HCRTR2: variants seen among roughly 807,000 people sequenced by gnomAD.
The protein encoded by HCRTR2 is orexin receptor type 2.
Under a neutral mutation model 49.0 loss-of-function variants are expected in HCRTR2, and 22 were observed. The ratio of observed to expected loss-of-function variants is 0.45; its 90% CI spans 0.32 to 0.64. HCRTR2 has a LOEUF of 0.64. Among genes scored for constraint, HCRTR2 ranks in the 30% least tolerant of loss-of-function variants. HCRTR2 has a pLI of 0.04. For missense variants in HCRTR2, 491 were observed against 559.4 expected, an observed-to-expected ratio of 0.88 and a Z score of 1.23; for synonymous variants, 236 against 205.3, an observed-to-expected ratio of 1.15 and a Z score of -1.28.
chr6:55,225,591 C>A (rs1374049370), intron 1 of HCRTR2, among the ~76,000 whole-genome samples: 3 of 152,074 alleles, frequency 2.0e-5, no homozygotes, highest in African/African-American at 7.2e-5. Context: ...AAATTTGCAC[C>A]CCACACAGTC....
At chr6:55,112,926 T>G (rs1490322417) in intron 1 of HCRTR2, among the ~76,000 whole-genome samples, 1 of 151,950 alleles carries the variant, frequency 6.6e-6, no homozygotes, top group East Asian at 1.9e-4. Context: ...GGTGTAAAAG[T>G]AAGCATATAG....
chr6:55,174,826 G>A lies in HCRTR2; in HGVS notation c.223+16G>A. ...AACGTCCTGGGTGAGTCTCCTCCCGGGCAGCCCTCCTAGGGGCTATCACCC... is the reference window on the plus strand; with the variant it reads ...AACGTCCTGGGTGAGTCTCCTCCCGAGCAGCCCTCCTAGGGGCTATCACCC... On this transcript the variant is annotated intron_variant, in intron 1 of 6. Transcript: ENST00000370862. 2 of 1,609,702 alleles carry A rather than the reference G, an allele frequency of 1.2e-6. No individual in the cohort carries two copies. The highest frequency in any genetic ancestry group is 1.7e-6 in the Non-Finnish European group (2 of 1,176,192).
chr6:55,112,931 A>G (rs1764069561), intron 1 of HCRTR2, among the ~76,000 whole-genome samples: 1 of 152,102 alleles, frequency 6.6e-6, no homozygotes, highest in East Asian at 1.9e-4. Flanking sequence ...AAAAGTAAGC[A>G]TATAGACCAA....
intron 2 of HCRTR2, among the ~76,000 whole-genome samples, chr6:55,254,274 G>A (rs1581859241): frequency 6.6e-6 from 1 of 152,094 alleles, no homozygotes; most frequent in African/African-American, 2.4e-5. Context: ...TCTTTTTAAA[G>A]GGAGAGGGGA....
intron 1 of HCRTR2, among the ~76,000 whole-genome samples, chr6:55,118,720 A>AT (rs1370028071): frequency 6.6e-6 from 1 of 151,130 alleles, no homozygotes; most frequent in Admixed American, 6.6e-5. Context: ...GTGCCTGTTC[A>AT]TTTTTTGCCC....
At chr6:55,146,654 C>T (rs1219583617) in intron 1 of HCRTR2, among the ~76,000 whole-genome samples, 1 of 149,722 alleles carries the variant, frequency 6.7e-6, no homozygotes, top group Admixed American at 6.7e-5. Flanking sequence ...ATGTATTTGT[C>T]CAAACTAATT....
chr6:55,254,971 A>G (rs1301769460), intron 2 of HCRTR2, among the ~76,000 whole-genome samples, 165 bp from the exon 3 acceptor site: 1 of 152,098 alleles, frequency 6.6e-6, no homozygotes, highest in Non-Finnish European at 1.5e-5. Context: ...CATTTTTGTG[A>G]TATAATTTCT....
intron 1 of HCRTR2, among the ~76,000 whole-genome samples, chr6:55,239,943 AATTTTTGT>A (rs80265117): frequency 0.17 from 26,096 of 151,434 alleles, 2,735 homozygotes; most frequent in Non-Finnish European, 0.24. Flanking sequence ...ATGCCCAGCT[AATTTTTGT>A]ATTTTTGTAG....
intron 1 of HCRTR2, among the ~76,000 whole-genome samples, chr6:55,129,108 T>C (rs1266853699): frequency 6.6e-6 from 1 of 152,170 alleles, no homozygotes; most frequent in Non-Finnish European, 1.5e-5. Flanking sequence ...AAAACAGTCT[T>C]TGACATGATG....
intron 1 of HCRTR2, among the ~76,000 whole-genome samples, chr6:55,217,350 A>C (rs1765806454): frequency 6.6e-6 from 1 of 152,180 alleles, no homozygotes; most frequent in Non-Finnish European, 1.5e-5. Context: ...AAACTTTTCA[A>C]ATCATTTTGC....
intron 1 of HCRTR2, among the ~76,000 whole-genome samples, chr6:55,143,252 T>TA (rs1485535036): frequency 2.6e-5 from 4 of 152,052 alleles, no homozygotes; most frequent in Non-Finnish European, 5.9e-5. Flanking sequence ...TCTAGGTATC[T>TA]AGCTTTTTAG....
At chr6:55,164,144 G>A (rs1764844205) in intron 1 of HCRTR2, among the ~76,000 whole-genome samples, 1 of 152,160 alleles carries the variant, frequency 6.6e-6, no homozygotes, top group African/African-American at 2.4e-5. Context: ...GAGAGGATGT[G>A]GAGAAATAGG....
At chr6:55,162,717 A>G (rs1390457558) in intron 1 of HCRTR2, among the ~76,000 whole-genome samples, 1 of 152,236 alleles carries the variant, frequency 6.6e-6, no homozygotes, top group Admixed American at 6.5e-5. Context: ...GAGCCAAATC[A>G]TGAGTGAACT....
At chr6:55,182,519 T>C (rs1765150338) in intron 1 of HCRTR2, among the ~76,000 whole-genome samples, 1 of 152,130 alleles carries the variant, frequency 6.6e-6, no homozygotes, top group South Asian at 2.1e-4. Flanking sequence ...AACAACCTCA[T>C]GTGTGAGCTT....
chr6:55,248,230 C>T (rs928981867), intron 1 of HCRTR2, among the ~76,000 whole-genome samples: 2 of 152,150 alleles, frequency 1.3e-5, no homozygotes, highest in Middle Eastern at 3.4e-3. Context: ...AGATATGGGT[C>T]AAGGTCATGG....
chr6:55,117,399 GAC>G (rs1764132983), intron 1 of HCRTR2, among the ~76,000 whole-genome samples: 1 of 151,618 alleles, frequency 6.6e-6, no homozygotes, highest in South Asian at 2.1e-4. Context: ...CTGAATCTCA[GAC>G]AAGTGCTCTT....
At chr6:55,220,454 T>C (rs1765869370) in intron 1 of HCRTR2, among the ~76,000 whole-genome samples, 1 of 152,128 alleles carries the variant, frequency 6.6e-6, no homozygotes, top group Non-Finnish European at 1.5e-5. Context: ...AGGGATAAGA[T>C]CACATGATAA....
intron 1 of HCRTR2, among the ~76,000 whole-genome samples, chr6:55,140,789 C>T (rs1029515152): frequency 6.6e-6 from 1 of 152,044 alleles, no homozygotes; most frequent in African/African-American, 2.4e-5. Flanking sequence ...TTTTTTTCTA[C>T]TGATTCATAG....
chr6:55,172,996 G>T (rs1163051283), upstream of HCRTR2, among the ~76,000 whole-genome samples: 1 of 152,140 alleles, frequency 6.6e-6, no homozygotes, highest in Non-Finnish European at 1.5e-5. Flanking sequence ...TATTTTGCAA[G>T]ATATTGACAA....
Sources: allele counts gnomAD v4.1 joint callset (sites outside exome capture counted in the v4.1 genomes callset), GRCh38; gene constraint gnomAD v4.1.1; transcripts MANE v1.5; gene names NCBI Gene and HGNC (gene_info 2026-07-23, HGNC 2026-07-21).